SMOC2: variants seen among roughly 807,000 people sequenced by gnomAD.
The protein encoded by SMOC2 is SPARC related modular calcium binding 2.
Under a neutral mutation model 61.4 loss-of-function variants are expected in SMOC2, and 39 were observed. That is an observed-to-expected ratio of 0.64 (90% CI 0.49 to 0.83). The LOEUF is 0.83. Ranked by LOEUF, SMOC2 falls within the 40% of genes least tolerant of loss-of-function variation. SMOC2 has a pLI of 0.00. For synonymous variants in SMOC2, 247 were observed against 239.9 expected (o/e 1.03, Z -0.27); for missense variants, 556 against 592.9 (o/e 0.94, Z 0.65).
In SMOC2 at chr6:168,603,639, C is replaced by G. The variant is rs377066124; in HGVS notation, c.825-4518C>G. Reference sequence around the variant, plus strand: ...GAGCCTGCATGATAATGGGAAGATGCAGATATAAGCCAAACACATCACACT... The same window carrying G: ...GAGCCTGCATGATAATGGGAAGATGGAGATATAAGCCAAACACATCACACT... On this transcript the variant is annotated intron_variant, in intron 8 of 12. Coordinates refer to ENST00000356284, the MANE Select transcript of SMOC2 (RefSeq NM_001166412.2). 1.8e-4 allele frequency among the ~76,000 whole-genome samples: 28 copies of G among 151,794 alleles called. No homozygotes were observed. The East Asian group carries it at 5.1e-3, about 27-fold the overall frequency.
chr6:168,603,218 T>A (rs1785600436), intron 8 of SMOC2, among the ~76,000 whole-genome samples: 1 of 147,982 alleles, frequency 6.8e-6, no homozygotes, highest in Non-Finnish European at 1.5e-5. Flanking sequence ...TCCCCAACCA[T>A]GCCAAACTGT....
In SMOC2 at chr6:168,491,476, A is replaced by G. The variant is rs73272949; in HGVS notation, c.85-18439A>G. Among the ~76,000 whole-genome samples, 1,396 of 152,280 alleles carry G rather than the reference A, an allele frequency of 9.2e-3. 22 individuals carry two copies. The highest frequency in any genetic ancestry group is 0.032 in the African/African-American group (1,334 of 41,564). On this transcript the variant is annotated intron_variant, in intron 1 of 12. Transcript: ENST00000356284. ...AAGGTGAAGACTGCTTGGTCTCATG[A>G]TGATGTCACCCATGGAGCATCTTTT...
intron 7 of SMOC2, among the ~76,000 whole-genome samples, chr6:168,595,199 G>C (rs1355194336): frequency 3.8e-5 from 4 of 104,872 alleles, no homozygotes; most frequent in African/African-American, 1.5e-4. Flanking sequence ...CCTCACGAGG[G>C]GCATCTTTCT....
In SMOC2 at chr6:168,513,487, A is replaced by G. The variant is rs931915028; in HGVS notation, c.256+3401A>G. On this transcript the variant is annotated intron_variant, in intron 2 of 12. Transcript: ENST00000356284. ...CAAATACACACACACACATACATAC[A>G]CACACACACACACACATAGACACTC... 5.5e-5 allele frequency among the ~76,000 whole-genome samples: 8 copies of G among 146,524 alleles called. No individual in the cohort carries two copies. In the East Asian group the frequency reaches 1.6e-3, roughly 29 times the overall value.
At chr6:168,615,508 G>T (rs1583162933) in intron 9 of SMOC2, among the ~76,000 whole-genome samples, 1 of 120,044 alleles carries the variant, frequency 8.3e-6, no homozygotes, top group African/African-American at 3.3e-5. Flanking sequence ...CCTACAGCCA[G>T]CACAGGGTCT....
At chr6:168,461,574 A>C (rs537926138) in intron 1 of SMOC2, among the ~76,000 whole-genome samples, 6 of 152,056 alleles carry the variant, frequency 3.9e-5, no homozygotes, top group African/African-American at 1.4e-4. Context: ...GATTTTCTTA[A>C]TTTTTTCGTT....
intron 1 of SMOC2, among the ~76,000 whole-genome samples, chr6:168,487,144 C>G (rs757615529): frequency 3.8e-4 from 58 of 152,330 alleles, no homozygotes; most frequent in Non-Finnish European, 6.9e-4. Context: ...TTGCTGGTTG[C>G]TCGGAAACCT....
chr6:168,631,331 A>G (rs1437999450), intron 9 of SMOC2, among the ~76,000 whole-genome samples: 1 of 152,232 alleles, frequency 6.6e-6, no homozygotes, highest in African/African-American at 2.4e-5. Context: ...TTGGAGCATC[A>G]GAGATGACCC....
Position 168,441,282 on chromosome 6 carries a change from C to T in SMOC2, c.-89C>T, listed in dbSNP as rs1227239389. On this transcript the variant is annotated 5_prime_UTR_variant, in exon 1 of 13. Coordinates refer to ENST00000356284, the MANE Select transcript of SMOC2 (RefSeq NM_001166412.2). ...GCGGAGCCGCCCCTCCACGCGCCCG[C>T]CCAGCCGCGCTCGCCCACTGGGCTC... The T allele has an allele frequency of 2.1e-6, 3 of 1,412,620 alleles. No homozygotes were observed. Among genetic ancestry groups the T allele is most frequent in the Middle Eastern group, 2.5e-4 (1 of 3,986 alleles). The allele number at this position is 1,412,620 out of a possible 1,614,324, so 87.5% of individuals were successfully genotyped here.
At chr6:168,625,811 C>G (rs944109426) in intron 9 of SMOC2, among the ~76,000 whole-genome samples, 4 of 152,232 alleles carry the variant, frequency 2.6e-5, no homozygotes, top group Non-Finnish European at 5.9e-5. Context: ...TCCAGCTCCA[C>G]CGCTGAGCCA....
chr6:168,599,006 T>C lies in SMOC2; in HGVS notation c.824+2T>C. 1 of 1,590,644 alleles carries C rather than the reference T, an allele frequency of 6.3e-7. No individual in the cohort carries two copies. The highest frequency in any genetic ancestry group is 8.6e-7 in the Non-Finnish European group (1 of 1,168,020). On this transcript the variant is annotated splice_donor_variant, in intron 8 of 12. Coordinates refer to ENST00000356284, the MANE Select transcript of SMOC2 (RefSeq NM_001166412.2). LOFTEE classifies it high-confidence loss of function. ...CCCCATTCCCGGCACATCCACAAGG[T>C]AAATAGGGTGCACCCACCCCCCCCG...
intron 1 of SMOC2, among the ~76,000 whole-genome samples, chr6:168,479,203 A>T (rs9355068): frequency 0.29 from 43,840 of 150,292 alleles, 8,246 homozygotes; most frequent in African/African-American, 0.52. Flanking sequence ...TTATGGTATC[A>T]GGTCTAGAAC....
At chr6:168,441,581 C>T (rs771126191) in intron 1 of SMOC2, 127 bp downstream of exon 1, 181 of 1,277,110 alleles carry the variant, frequency 1.4e-4, no homozygotes, top group Non-Finnish European at 1.7e-4. Flanking sequence ...CCCCGGGGGC[C>T]GTGGAGCCTT....
At chr6:168,659,634 G>A (rs1242266146) in intron 11 of SMOC2, among the ~76,000 whole-genome samples, 4 of 149,034 alleles carry the variant, frequency 2.7e-5, no homozygotes, top group Admixed American at 6.7e-5. Flanking sequence ...GAGGGTGGAG[G>A]TTGTAGGTTG....
At position 168,526,356 on chromosome 6, in the gene SMOC2, G is replaced by A; in HGVS notation, c.267G>A (p.Arg89=). ...AYRGNCKDVS[R]CVAERKYTQE... ...TGTTCTTCCCTACAGACGTGTCCAG[G>A]TGTGTGGCCGAAAGGAAGTATACCC... Residue 89 remains arginine (R), a synonymous_variant, in exon 3 of 13, where the codon AGG becomes AGA. Coordinates refer to ENST00000356284, the MANE Select transcript of SMOC2 (RefSeq NM_001166412.2). 6.2e-7 allele frequency: 1 copy of A among 1,614,184 alleles called. No individual in the cohort carries two copies. Among genetic ancestry groups the A allele is most frequent in the Admixed American group, 1.7e-5 (1 of 60,038 alleles).
chr6:168,461,687 G>A lies in SMOC2; in HGVS notation c.84+20233G>A, dbSNP rs377759143. On this transcript the variant is annotated intron_variant, in intron 1 of 12. Coordinates refer to ENST00000356284, the MANE Select transcript of SMOC2 (RefSeq NM_001166412.2). ...AGTAGCACATTCAGTCGGGTCAAGCGTCACTATTTGACATAAATGGAGACA... is the reference window on the plus strand; with the variant it reads ...AGTAGCACATTCAGTCGGGTCAAGCATCACTATTTGACATAAATGGAGACA... Among the ~76,000 whole-genome samples the A allele has an allele frequency of 2.6e-4, 40 of 152,250 alleles. 1 individual carries two copies. In the East Asian group the frequency reaches 5.0e-3, roughly 19 times the overall value.
intron 11 of SMOC2, 81 bp downstream of exon 11, chr6:168,653,309 C>T: frequency 6.8e-7 from 1 of 1,480,610 alleles, no homozygotes; most frequent in Admixed American, 2.2e-5. Context: ...AACACAATTA[C>T]AGATTGTGTT....
At chr6:168,601,900 G>A (rs1217674550) in intron 8 of SMOC2, among the ~76,000 whole-genome samples, 2 of 152,212 alleles carry the variant, frequency 1.3e-5, no homozygotes, top group Non-Finnish European at 2.9e-5. Context: ...AGAAAGAAAA[G>A]TCTCTGGCTC....
intron 9 of SMOC2, among the ~76,000 whole-genome samples, chr6:168,641,989 A>C (rs1786901464): frequency 6.6e-6 from 1 of 152,270 alleles, no homozygotes. Flanking sequence ...GTTAATGCAC[A>C]AAAGTAGTAA....
Sources: allele counts gnomAD v4.1 joint callset (sites outside exome capture counted in the v4.1 genomes callset), GRCh38; gene constraint gnomAD v4.1.1; transcripts MANE v1.5; gene names NCBI Gene and HGNC (gene_info 2026-07-23, HGNC 2026-07-21).